Variants in ZNF846 observed in about 807,000 individuals in gnomAD.
The protein encoded by ZNF846 is zinc finger protein 846, also known as zinc finger protein 420 pseudogene.
ZNF846 carries 15 observed loss-of-function variants against 16.0 expected under a neutral mutation model. That is an observed-to-expected ratio of 0.94 (90% CI 0.63 to 1.45). The LOEUF (loss-of-function observed/expected upper bound fraction) is 1.45, where lower values mean the gene tolerates loss of function less well. Ranked by LOEUF, ZNF846 falls within the 40% of genes most tolerant of loss-of-function variation. The pLI, the probability that ZNF846 is intolerant of heterozygous loss-of-function variation, is 0.00. For synonymous variants in ZNF846, 229 were observed against 212.0 expected (o/e 1.08, Z -0.70); for missense variants, 714 against 622.3 (o/e 1.15, Z -1.57).
chr19:9,753,020 T>C (rs1472467861), downstream of ZNF846, among the ~76,000 whole-genome samples: 1 of 151,464 alleles, frequency 6.6e-6, no homozygotes, highest in Non-Finnish European at 1.5e-5. Flanking sequence ...AGGGCCCTTT[T>C]CCTGGTTCAC....
At chr19:9,757,087 C>G (rs201316571), downstream of ZNF846, among the ~76,000 whole-genome samples, 9 of 151,202 alleles carry the variant, frequency 6.0e-5, no homozygotes, top group East Asian at 1.6e-3. Context: ...CCCAGCTACT[C>G]GGGAGGCTGA....
intron 1 of ZNF846, among the ~76,000 whole-genome samples, chr19:9,783,300 A>G (rs1295839808): frequency 2.4e-5 from 3 of 127,200 alleles, no homozygotes; most frequent in Non-Finnish European, 4.7e-5. Context: ...GCACGATCTC[A>G]GCTCACTGCA....
In ZNF846 at chr19:9,778,358, A is replaced by G. The variant is rs186291769; in HGVS notation, c.-86+7580T>C. On this transcript the variant is annotated intron_variant, in intron 1 of 4. Coordinates refer to the ZNF846 transcript ENST00000586814. ...TGCATCCCAGACCTCTCCATGGATG[A>G]TGTCAAAGGCATCCCCAGTAGTGAC... Among the ~76,000 whole-genome samples, 968 of 152,358 alleles carry G rather than the reference A, an allele frequency of 6.4e-3. 7 individuals carry two copies. The highest frequency in any genetic ancestry group is 7.5e-3 in the Non-Finnish European group (510 of 68,028).
At chr19:9,757,262 A>T (rs1490975772), downstream of ZNF846, among the ~76,000 whole-genome samples, 2 of 151,498 alleles carry the variant, frequency 1.3e-5, no homozygotes, top group Non-Finnish European at 2.9e-5. Flanking sequence ...TTAGAACCAG[A>T]TTTTTCTCCC....
At chr19:9,759,066 T>C (rs901683080) in intron 5 of ZNF846, among the ~76,000 whole-genome samples, 2 of 151,766 alleles carry the variant, frequency 1.3e-5, no homozygotes, top group African/African-American at 2.4e-5. Context: ...TGGCACGATC[T>C]TGACTCACAG....
downstream of ZNF846, among the ~76,000 whole-genome samples, chr19:9,757,095 T>C (rs947097224): frequency 6.6e-6 from 1 of 150,928 alleles, no homozygotes; most frequent in Non-Finnish European, 1.5e-5. Context: ...CTCGGGAGGC[T>C]GAGGTGGGAG....
At chr19:9,784,197 G>A (rs1337657978) in intron 1 of ZNF846, among the ~76,000 whole-genome samples, 2 of 152,154 alleles carry the variant, frequency 1.3e-5, no homozygotes. Context: ...CAGCAAGTGA[G>A]GATCTGCACC....
upstream of ZNF846, among the ~76,000 whole-genome samples, chr19:9,768,989 C>G (rs1250440197): frequency 1.3e-5 from 2 of 152,230 alleles, no homozygotes; most frequent in Non-Finnish European, 2.9e-5. Context: ...GAGGCGGGGA[C>G]TGGCGCAGCG....
intron 1 of ZNF846, among the ~76,000 whole-genome samples, chr19:9,765,381 C>CA (rs1222119313): frequency 6.8e-6 from 1 of 147,434 alleles, no homozygotes; most frequent in Admixed American, 6.7e-5. Flanking sequence ...TCTTAAAAAA[C>CA]AAAAAAGTAG....
chr19:9,775,089 A>G, intron 1 of ZNF846: 3 of 781,990 alleles, frequency 3.8e-6, no homozygotes, highest in Non-Finnish European at 4.1e-6. Context: ...GGCAGTTACT[A>G]ACTTTCTACA....
upstream of ZNF846, among the ~76,000 whole-genome samples, chr19:9,773,206 T>C (rs1390938310): frequency 2.6e-5 from 4 of 152,214 alleles, no homozygotes; most frequent in African/African-American, 9.6e-5. Flanking sequence ...ATTATTATTG[T>C]TGTTTGAGAT....
intron 1 of ZNF846, among the ~76,000 whole-genome samples, 174 bp from the exon 2 acceptor site, chr19:9,765,209 C>T (rs561100309): frequency 6.6e-6 from 1 of 151,776 alleles, no homozygotes; most frequent in Admixed American, 6.6e-5. Flanking sequence ...CCTGTCTCTA[C>T]TAAAAATCCA....
intron 1 of ZNF846, among the ~76,000 whole-genome samples, chr19:9,765,512 G>A (rs1446176792): frequency 2.6e-5 from 4 of 151,888 alleles, no homozygotes; most frequent in Admixed American, 2.6e-4. Flanking sequence ...CTCTACTAAA[G>A]CTACAAAAAA....
intron 1 of ZNF846, among the ~76,000 whole-genome samples, chr19:9,784,721 G>A (rs2045540989): frequency 6.6e-6 from 1 of 152,110 alleles, no homozygotes; most frequent in East Asian, 1.9e-4. Flanking sequence ...GGGCTTTCTT[G>A]GGCAGAGGTG....
intron 1 of ZNF846, chr19:9,774,934 A>T: frequency 6.2e-7 from 1 of 1,609,672 alleles, no homozygotes; most frequent in Non-Finnish European, 8.5e-7. Flanking sequence ...TTACAAAGAA[A>T]TATGGGGAAA....
chr19:9,769,069 T>G (rs2045365376), upstream of ZNF846, among the ~76,000 whole-genome samples: 1 of 152,204 alleles, frequency 6.6e-6, no homozygotes, highest in African/African-American at 2.4e-5. Context: ...CGAGTGCTTT[T>G]CTTTTCTTTT....
At chr19:9,749,593 C>A (rs1191314210), downstream of ZNF846, among the ~76,000 whole-genome samples, 3 of 148,832 alleles carry the variant, frequency 2.0e-5, no homozygotes, top group Non-Finnish European at 4.4e-5. Context: ...CTTATCCTTG[C>A]CCCTATTCTC....
At chr19:9,775,307 T>C (rs1174342773) in intron 1 of ZNF846, among the ~76,000 whole-genome samples, 1 of 151,956 alleles carries the variant, frequency 6.6e-6, no homozygotes, top group Non-Finnish European at 1.5e-5. Flanking sequence ...AAACGTCTGA[T>C]AATACCCAAG....
At chr19:9,773,188 T>C (rs183594628), upstream of ZNF846, among the ~76,000 whole-genome samples, 19 of 152,318 alleles carry the variant, frequency 1.2e-4, no homozygotes, top group Admixed American at 5.9e-4. Context: ...TCATTTATTA[T>C]TATTGTTATT....
Sources: gnomAD v4.1 joint callset for allele counts (sites outside exome capture counted in the v4.1 genomes callset) on GRCh38, gnomAD v4.1.1 for gene constraint, MANE v1.5 for transcripts, NCBI Gene and HGNC (gene_info 2026-07-23, HGNC 2026-07-21) for gene names.